Variants in C22orf42 observed in about 807,000 individuals in gnomAD.
C22orf42 encodes the protein uncharacterized protein C22orf42.
A neutral mutation model predicts 31.4 loss-of-function variants in C22orf42; 24 were observed. That is an observed-to-expected ratio of 0.77 (90% CI 0.55 to 1.08). The LOEUF is 1.08. Among genes scored for constraint, C22orf42 ranks in the 50% least tolerant of loss-of-function variants. The pLI is 0.00. For missense variants in C22orf42, 276 were observed against 327.3 expected (o/e 0.84, Z 1.21); for synonymous variants, 96 against 112.7 (o/e 0.85, Z 0.94).
At chr22:32,157,776 T>C (rs1921343491) in intron 1 of C22orf42, among the ~76,000 whole-genome samples, 1 of 152,272 alleles carries the variant, frequency 6.6e-6, no homozygotes, top group South Asian at 2.1e-4. Flanking sequence ...CAAAGCCTCC[T>C]ATGTCACCTG....
rs1465154284 is a variant in C22orf42, at chr22:32,150,267, C to G, written c.654+52G>C. 2.6e-6 allele frequency: 4 copies of G among 1,550,624 alleles called. No individual in the cohort carries two copies. In the South Asian group the frequency reaches 3.4e-5, roughly 13 times the overall value. On this transcript the variant is annotated intron_variant, in intron 7 of 8. Transcript: ENST00000382097. ...TTATATCTTCATTTCATTAATAAGG[C>G]AAGAGGACCCAGAAAAAACATTTCT...
At chr22:32,153,384 T>C (rs1569334661) in intron 2 of C22orf42, among the ~76,000 whole-genome samples, 1 of 152,164 alleles carries the variant, frequency 6.6e-6, no homozygotes, top group Non-Finnish European at 1.5e-5. Flanking sequence ...ATAATATCTG[T>C]TTAAGAAGAG....
intron 1 of C22orf42, among the ~76,000 whole-genome samples, chr22:32,155,497 C>T (rs1921211911): frequency 6.6e-6 from 1 of 151,338 alleles, no homozygotes; most frequent in Non-Finnish European, 1.5e-5. Flanking sequence ...CATGGAGCTG[C>T]TGCGTGCCCC....
chr22:32,152,592 G>A lies in C22orf42; in HGVS notation c.342C>T (p.Gly114=), dbSNP rs367547329. The change falls in exon 3 of 9, where the codon GGC becomes GGT. Residue 114 remains glycine (G), a synonymous_variant. Coordinates refer to ENST00000382097, the MANE Select transcript of C22orf42 (RefSeq NM_001010859.3). The stretch of plus-strand genomic sequence containing the variant: ...CTGATGTCATATTCTCCTCCACACC[G>A]CCGTGTGCAGACGCCTGCACATCTT... ...PTEDVQASAH[G]GVEENMTSDI... is the part of the protein sequence containing the mutation. 42 of 1,613,242 alleles carry A rather than the reference G, an allele frequency of 2.6e-5. 1 individual carries two copies. In the East Asian group the frequency reaches 4.7e-4, roughly 18 times the overall value.
intron 6 of C22orf42, 184 bp downstream of exon 6, chr22:32,150,808 G>C: frequency 1.5e-6 from 1 of 668,650 alleles, no homozygotes; most frequent in African/African-American, 1.8e-5. Context: ...AGTTGGGAAA[G>C]ACAGAGGAGT....
intron 4 of C22orf42, among the ~76,000 whole-genome samples, 198 bp from the exon 5 acceptor site, chr22:32,151,749 CT>C (rs1424296460): frequency 1.3e-5 from 2 of 152,182 alleles, no homozygotes; most frequent in African/African-American, 4.8e-5. Context: ...AGAGCCTTGG[CT>C]TTCCAGCTAG....
At chr22:32,154,452 T>G (rs1921151946) in intron 1 of C22orf42, 134 bp from the exon 2 acceptor site, 3 of 1,123,818 alleles carry the variant, frequency 2.7e-6, no homozygotes, top group Non-Finnish European at 3.7e-6. Flanking sequence ...TTGATCCCGG[T>G]TTGCACCGTC....
intron 1 of C22orf42, 129 bp from the exon 2 acceptor site, chr22:32,154,447 C>T: frequency 8.8e-7 from 1 of 1,141,890 alleles, no homozygotes; most frequent in South Asian, 1.7e-5. Flanking sequence ...AAGTTTTGAT[C>T]CCGGTTTGCA....
intron 1 of C22orf42, among the ~76,000 whole-genome samples, chr22:32,157,419 T>C (rs541631713): frequency 6.6e-6 from 1 of 151,622 alleles, no homozygotes; most frequent in Non-Finnish European, 1.5e-5. Context: ...TACAAGGCCT[T>C]AGCCCATCAT....
chr22:32,154,418 A>G (rs1921150336), intron 1 of C22orf42, 100 bp from the exon 2 acceptor site: 1 of 1,211,106 alleles, frequency 8.3e-7, no homozygotes, highest in Non-Finnish European at 1.1e-6. Context: ...GAAATTAGTA[A>G]AAACTTATTC....
chr22:32,150,643 G>A (rs2094111331), intron 6 of C22orf42, 164 bp from the exon 7 acceptor site: 1 of 680,086 alleles, frequency 1.5e-6, no homozygotes, highest in Non-Finnish European at 2.5e-6. Flanking sequence ...GAAGGCAAAG[G>A]AGAAGGGCAG....
chr22:32,156,874 G>C (rs1028522545), intron 1 of C22orf42, among the ~76,000 whole-genome samples: 1 of 152,160 alleles, frequency 6.6e-6, no homozygotes, highest in African/African-American at 2.4e-5. Flanking sequence ...CTCAAAGTAG[G>C]ATTTCTGGCT....
At chr22:32,153,683 T>G (rs1487854238) in intron 2 of C22orf42, among the ~76,000 whole-genome samples, 1 of 152,210 alleles carries the variant, frequency 6.6e-6, no homozygotes, top group Non-Finnish European at 1.5e-5. Context: ...ATCATAATCC[T>G]AAGTATTTCC....
intron 1 of C22orf42, among the ~76,000 whole-genome samples, chr22:32,158,622 A>C (rs1355207694): frequency 6.6e-6 from 1 of 152,222 alleles, no homozygotes; most frequent in Non-Finnish European, 1.5e-5. Context: ...ATTATTAGCT[A>C]CCTTAAGGAA....
At chr22:32,151,628 C>G (rs572234681) in intron 4 of C22orf42, 77 bp from the exon 5 acceptor site, 3 of 1,473,804 alleles carry the variant, frequency 2.0e-6, no homozygotes, top group Non-Finnish European at 2.8e-6. Flanking sequence ...GGATGTGGAC[C>G]GGGGCTGGAG....
Position 32,152,725 on chromosome 22 carries a change from G to A in C22orf42, c.308-99C>T, listed in dbSNP as rs1015864828. The A allele has an allele frequency of 3.3e-6, 4 of 1,201,314 alleles. No homozygotes were observed. In the African/African-American group the frequency reaches 4.6e-5, roughly 14 times the overall value. 74.4% of individuals were successfully genotyped at this position (1,201,314 alleles called of 1,614,324 possible). On this transcript the variant is annotated intron_variant, in intron 2 of 8. Transcript: ENST00000382097. ...GACCGGGGCTGGAGTATGTGGAGGT[G>A]GGCGGTTGACAGGCATGGACTGAGC...
At position 32,152,050 on chromosome 22, in the gene C22orf42, A is replaced by C. The variant is rs760049026; in HGVS notation, c.400+17T>G. On this transcript the variant is annotated intron_variant, in intron 4 of 8. Transcript: ENST00000382097. ...CAACTACATGTAAATAAAGCTGTTT[A>C]AAAAAAAAATACGTACGGTGGTCGT... The C allele has an allele frequency of 7.3e-6, 9 of 1,237,776 alleles. No homozygotes were observed. The South Asian group carries it at 1.4e-4, about 20-fold the overall frequency. The allele number at this position is 1,237,776 out of a possible 1,614,324, so 76.7% of individuals were successfully genotyped here.
chr22:32,151,757 C>G (rs1603178198), intron 4 of C22orf42, among the ~76,000 whole-genome samples: 1 of 152,270 alleles, frequency 6.6e-6, no homozygotes, highest in Admixed American at 6.5e-5. Context: ...GGCTTTCCAG[C>G]TAGGGCAACC....
intron 7 of C22orf42, chr22:32,150,054 G>C (rs1209375761): frequency 1.8e-6 from 1 of 547,760 alleles, no homozygotes; most frequent in Non-Finnish European, 3.3e-6. Flanking sequence ...TAGTTTGTAA[G>C]TGATGCGCTC....
Sources: gnomAD v4.1 joint callset for allele counts (sites outside exome capture counted in the v4.1 genomes callset) on GRCh38, gnomAD v4.1.1 for gene constraint, MANE v1.5 for transcripts, NCBI Gene and HGNC (gene_info 2026-07-23, HGNC 2026-07-21) for gene names.